The following SCN2A variants were observed in gnomAD, a reference collection of about 807,000 sequenced individuals.
SCN2A encodes sodium voltage-gated channel alpha subunit 2.
In SCN2A, 20 loss-of-function variants were observed where a neutral mutation model predicts 188.7. The ratio of observed to expected loss-of-function variants is 0.11; its 90% confidence interval spans 0.07 to 0.15. The LOEUF (loss-of-function observed/expected upper bound fraction) is 0.15. Ranked by LOEUF, SCN2A falls within the 10% of genes least tolerant of loss-of-function variation. The probability of loss-of-function intolerance (pLI) is 1.00; values close to 1 mark genes in which losing one functional copy is unlikely to be tolerated. For missense variants in SCN2A, 1,278 were observed against 2,445.0 expected, an observed-to-expected ratio of 0.52 and a Z score of 10.07; for synonymous variants, 804 against 833.1, an observed-to-expected ratio of 0.97 and a Z score of 0.60.
At chr2:165,377,457 C>A in intron 22 of SCN2A, 140 bp from the exon 23 acceptor site, 2 of 658,310 alleles carry the variant, frequency 3.0e-6, no homozygotes, top group Non-Finnish European at 5.1e-6. Flanking sequence ...AAAACATTGC[C>A]CCAAAAGTGA....
chr2:165,358,438 C>A (rs916036773), intron 17 of SCN2A, among the ~76,000 whole-genome samples: 2 of 152,184 alleles, frequency 1.3e-5, no homozygotes, highest in Middle Eastern at 3.4e-3. Context: ...TAATATTTAT[C>A]TGCTTCATTT....
intron 24 of SCN2A, 180 bp downstream of exon 24, chr2:165,380,909 AT>A: frequency 1.4e-6 from 1 of 697,488 alleles, no homozygotes; most frequent in Non-Finnish European, 2.4e-6. Flanking sequence ...TGTTTTTGAT[AT>A]TTTTAGTCTA....
At chr2:165,265,543 T>C (rs1325426494) in intron 1 of SCN2A, among the ~76,000 whole-genome samples, 1 of 130,942 alleles carries the variant, frequency 7.6e-6, no homozygotes, top group African/African-American at 2.8e-5. Context: ...TTTAGTTTAA[T>C]TAGATCATAA....
At chr2:165,381,258 G>T in intron 25 of SCN2A, 61 bp downstream of exon 25, 1 of 1,198,632 alleles carries the variant, frequency 8.3e-7, no homozygotes, top group South Asian at 1.4e-5. Context: ...TTCACAGCCC[G>T]AATTTCTAGA....
At chr2:165,385,298 C>T (rs2105394884) in intron 25 of SCN2A, among the ~76,000 whole-genome samples, 1 of 152,092 alleles carries the variant, frequency 6.6e-6, no homozygotes, top group East Asian at 1.9e-4. Flanking sequence ...GAAAGGCAGC[C>T]CAACAGAGGT....
intron 1 of SCN2A, among the ~76,000 whole-genome samples, chr2:165,256,790 AT>A (rs760039141): frequency 6.6e-6 from 1 of 152,032 alleles, no homozygotes; most frequent in South Asian, 2.1e-4. Flanking sequence ...ATCTTTTCAT[AT>A]GTTTGGCGAT....
chr2:165,341,251 G>C (rs569127414), intron 14 of SCN2A, among the ~76,000 whole-genome samples: 1 of 152,040 alleles, frequency 6.6e-6, no homozygotes, highest in African/African-American at 2.4e-5. Flanking sequence ...CCGCCACCGC[G>C]CCCGGCTAAT....
chr2:165,320,566 T>G (rs555873953), intron 11 of SCN2A, among the ~76,000 whole-genome samples: 27 of 152,184 alleles, frequency 1.8e-4, no homozygotes, highest in Non-Finnish European at 3.4e-4. Context: ...TACATCCAGG[T>G]GTTTCTATAC....
chr2:165,356,655 A>G (rs1700195005), intron 17 of SCN2A, among the ~76,000 whole-genome samples: 1 of 152,230 alleles, frequency 6.6e-6, no homozygotes, highest in Admixed American at 6.5e-5. Flanking sequence ...TGGCTAGTTT[A>G]ATCTTTTAGC....
chr2:165,357,861 A>C (rs560469395), intron 17 of SCN2A, among the ~76,000 whole-genome samples: 1 of 152,286 alleles, frequency 6.6e-6, no homozygotes, highest in East Asian at 1.9e-4. Flanking sequence ...TACCCAGGTT[A>C]CCCAAGCAAG....
At chr2:165,273,977 G>A (rs956862791) in intron 1 of SCN2A, 1 of 152,102 alleles carries the variant, frequency 6.6e-6, no homozygotes, top group Non-Finnish European at 1.5e-5. Context: ...ATATGGTGGG[G>A]TAGAAATCAC....
rs557469749 is a variant in SCN2A at position 165,304,024 on chromosome 2, G to A, written c.387-3824G>A. Among the ~76,000 whole-genome samples, 20 of 152,042 alleles carry A rather than the reference G, an allele frequency of 1.3e-4. No homozygotes were observed. In the East Asian group the frequency reaches 2.7e-3, roughly 21 times the overall value. On this transcript the variant is annotated intron_variant, in intron 3 of 26. Transcript: ENST00000375437. ...GCCGAGTCCATAATGCAGCATAATT[G>A]CATAAGGCTGTTAATTTCCACCTTA...
At chr2:165,341,701 G>A (rs756984152) in intron 14 of SCN2A, among the ~76,000 whole-genome samples, 1 of 152,196 alleles carries the variant, frequency 6.6e-6, no homozygotes, top group African/African-American at 2.4e-5. Flanking sequence ...GTGCTTCTCA[G>A]ATGGGAAGGC....
chr2:165,370,020 C>A, intron 19 of SCN2A, 106 bp from the exon 20 acceptor site: 2 of 942,256 alleles, frequency 2.1e-6, no homozygotes, highest in Non-Finnish European at 3.3e-6. Context: ...TTAAACCTTC[C>A]AGCCTTAGGC....
chr2:165,306,489 C>A (rs1697138571), intron 3 of SCN2A, among the ~76,000 whole-genome samples: 1 of 147,466 alleles, frequency 6.8e-6, no homozygotes, highest in Non-Finnish European at 1.5e-5. Flanking sequence ...AATTGTGTTT[C>A]TTTGAAATGG....
chr2:165,265,771 A>G (rs991035346), intron 1 of SCN2A, among the ~76,000 whole-genome samples: 5 of 151,180 alleles, frequency 3.3e-5, no homozygotes, highest in East Asian at 1.9e-4. Flanking sequence ...AGGAAAAAAT[A>G]TTATTATTTC....
intron 1 of SCN2A, among the ~76,000 whole-genome samples, chr2:165,257,561 C>T (rs1212698012): frequency 4.0e-5 from 6 of 151,748 alleles, no homozygotes; most frequent in African/African-American, 1.2e-4. Flanking sequence ...GTTTTTGAGA[C>T]GGAGTCTTGC....
intron 16 of SCN2A, among the ~76,000 whole-genome samples, chr2:165,345,322 G>A (rs952022619): frequency 5.3e-5 from 8 of 152,004 alleles, no homozygotes; most frequent in South Asian, 2.1e-4. Context: ...TGGGGTTTTC[G>A]GTGCCTAGAA....
At chr2:165,290,745 C>T in intron 1 of SCN2A, 2 of 984,478 alleles carry the variant, frequency 2.0e-6, no homozygotes, top group Non-Finnish European at 2.4e-6. Context: ...ATATTGTGCG[C>T]TTGATTGCAG....
Sources: allele counts gnomAD v4.1 joint callset (sites outside exome capture counted in the v4.1 genomes callset), GRCh38; gene constraint gnomAD v4.1.1; transcripts MANE v1.5; gene names NCBI Gene and HGNC (gene_info 2026-07-23, HGNC 2026-07-21).